MAGI2: variants seen among roughly 807,000 people sequenced by gnomAD.
The protein encoded by MAGI2 is membrane-associated guanylate kinase, WW and PDZ domain-containing protein 2.
In MAGI2, 35 loss-of-function variants were observed where a neutral mutation model predicts 133.3. That is an observed-to-expected ratio of 0.26 (90% CI 0.20 to 0.35). MAGI2 has a LOEUF of 0.35. MAGI2 is among the 10% of genes least tolerant of loss of function. The pLI is 1.00. For synonymous variants in MAGI2, 729 were observed against 710.6 expected, an observed-to-expected ratio of 1.03 and a Z score of -0.41; for missense variants, 1,636 against 1,863.4, an observed-to-expected ratio of 0.88 and a Z score of 2.25.
intron 20 of MAGI2, among the ~76,000 whole-genome samples, chr7:78,089,463 T>C (rs535848997): frequency 1.3e-5 from 2 of 152,344 alleles, no homozygotes; most frequent in South Asian, 4.1e-4. Flanking sequence ...ATGCCAAATA[T>C]GCCAGACGAA....
chr7:78,722,109 A>T (rs573334463), intron 2 of MAGI2, among the ~76,000 whole-genome samples: 2 of 151,210 alleles, frequency 1.3e-5, no homozygotes, highest in South Asian at 4.2e-4. Context: ...TGAAGATTTA[A>T]CATAATATTC....
intron 2 of MAGI2, among the ~76,000 whole-genome samples, chr7:78,898,495 C>G (rs1797376182): frequency 6.6e-6 from 1 of 152,144 alleles, no homozygotes; most frequent in East Asian, 1.9e-4. Flanking sequence ...GAGATCATGT[C>G]CTTTGCAGGA....
chr7:78,843,231 T>C (rs1489103634), intron 2 of MAGI2, among the ~76,000 whole-genome samples: 1 of 151,882 alleles, frequency 6.6e-6, no homozygotes, highest in Non-Finnish European at 1.5e-5. Flanking sequence ...GTGGATGTGT[T>C]TCAGCAACTT....
intron 1 of MAGI2, among the ~76,000 whole-genome samples, chr7:79,047,815 C>T (rs17406991): frequency 0.095 from 14,404 of 151,860 alleles, 898 homozygotes; most frequent in Non-Finnish European, 0.14. Context: ...ATCTTAATAC[C>T]CTTTCCAAAT....
intron 1 of MAGI2, among the ~76,000 whole-genome samples, chr7:79,095,756 C>T (rs1472426939): frequency 6.6e-6 from 1 of 152,044 alleles, no homozygotes; most frequent in Non-Finnish European, 1.5e-5. Context: ...CCAAAGGTTA[C>T]TGATAATAGA....
chr7:78,874,849 A>C (rs509799), intron 2 of MAGI2, among the ~76,000 whole-genome samples: 1 of 151,964 alleles, frequency 6.6e-6, no homozygotes, highest in Non-Finnish European at 1.5e-5. Context: ...ATCATTACAC[A>C]TTGTAACAAG....
chr7:78,554,362 A>G (rs1799607533), intron 3 of MAGI2, among the ~76,000 whole-genome samples: 1 of 152,190 alleles, frequency 6.6e-6, no homozygotes, highest in African/African-American at 2.4e-5. Flanking sequence ...TGAGTCTCAT[A>G]TTTGTGAACC....
chr7:79,041,478 T>G (rs1335448201), intron 1 of MAGI2, among the ~76,000 whole-genome samples: 1 of 152,128 alleles, frequency 6.6e-6, no homozygotes, highest in Non-Finnish European at 1.5e-5. Flanking sequence ...ATAAACATAA[T>G]ATGATGATAG....
At chr7:78,156,811 G>GAAA (rs577837030) in intron 16 of MAGI2, among the ~76,000 whole-genome samples, 3 of 125,196 alleles carry the variant, frequency 2.4e-5, no homozygotes, top group African/African-American at 8.8e-5. Context: ...CCGAAGCCAC[G>GAAA]AAAAAAAAAA....
intron 20 of MAGI2, among the ~76,000 whole-genome samples, chr7:78,097,981 T>G (rs1342391619): frequency 1.3e-5 from 2 of 151,782 alleles, no homozygotes; most frequent in Non-Finnish European, 2.9e-5. Flanking sequence ...AAATCTATGA[T>G]GAAAAATTTC....
intron 20 of MAGI2, among the ~76,000 whole-genome samples, chr7:78,115,828 A>T (rs1305778359): frequency 6.6e-6 from 1 of 152,244 alleles, no homozygotes. Context: ...TCCATCAAAA[A>T]AAGTCAACTG....
At chr7:78,244,194 GAAAA>G (rs1212623646) in intron 10 of MAGI2, among the ~76,000 whole-genome samples, 3 of 96,116 alleles carry the variant, frequency 3.1e-5, no homozygotes, top group African/African-American at 8.0e-5. Context: ...AAAAAAAAAA[GAAAA>G]AGAAATGGGA....
chr7:79,272,367 T>C (rs2129557288), intron 1 of MAGI2, among the ~76,000 whole-genome samples: 1 of 152,268 alleles, frequency 6.6e-6, no homozygotes, highest in East Asian at 1.9e-4. Flanking sequence ...AGGATTCCAT[T>C]ACAAGCTTCA....
At chr7:78,643,840 T>C (rs1283389484) in intron 2 of MAGI2, among the ~76,000 whole-genome samples, 3 of 151,280 alleles carry the variant, frequency 2.0e-5, no homozygotes, top group Admixed American at 6.6e-5. Context: ...AGATGTGTAA[T>C]AGAAAGCCTA....
chr7:79,238,111 A>C (rs530840563), intron 1 of MAGI2, among the ~76,000 whole-genome samples: 2 of 152,210 alleles, frequency 1.3e-5, no homozygotes, highest in African/African-American at 4.8e-5. Flanking sequence ...ACTGGGAAAT[A>C]CATTGGCTTA....
intron 1 of MAGI2, among the ~76,000 whole-genome samples, chr7:79,117,706 A>G (rs1311640571): frequency 6.6e-6 from 1 of 152,178 alleles, no homozygotes; most frequent in African/African-American, 2.4e-5. Context: ...GCTAGTGCTA[A>G]CTTACACAGG....
chr7:78,831,795 T>C (rs1015619763), intron 2 of MAGI2, among the ~76,000 whole-genome samples: 7 of 152,186 alleles, frequency 4.6e-5, no homozygotes, highest in African/African-American at 1.4e-4. Flanking sequence ...ATACCTTCAT[T>C]GTACAGCAAG....
At chr7:78,511,191 GA>G (rs1226578272) in intron 4 of MAGI2, among the ~76,000 whole-genome samples, 1 of 152,060 alleles carries the variant, frequency 6.6e-6, no homozygotes, top group Non-Finnish European at 1.5e-5. Context: ...TTGGACAAAA[GA>G]AAAATATGAT....
chr7:78,317,594 T>C (rs780946619), intron 9 of MAGI2, among the ~76,000 whole-genome samples: 24 of 152,364 alleles, frequency 1.6e-4, no homozygotes, highest in South Asian at 4.1e-4. Flanking sequence ...GTATGATGGC[T>C]CTGAAGAGAG....
Sources: gnomAD v4.1 joint callset for allele counts (sites outside exome capture counted in the v4.1 genomes callset) on GRCh38, gnomAD v4.1.1 for gene constraint, MANE v1.5 for transcripts, NCBI Gene and HGNC (gene_info 2026-07-23, HGNC 2026-07-21) for gene names.